Variants in SEL1L3 observed in about 807,000 individuals in gnomAD.
SEL1L3 encodes SEL1L family member 3, also known as protein sel-1 homolog 3.
Under a neutral mutation model 142.8 loss-of-function variants are expected in SEL1L3, and 76 were observed. That is an observed-to-expected ratio of 0.53 (90% confidence interval 0.44 to 0.64). The LOEUF (loss-of-function observed/expected upper bound fraction) is 0.64. Ranked by LOEUF, SEL1L3 falls within the 30% of genes least tolerant of loss-of-function variation. The pLI is 0.00. For synonymous variants in SEL1L3, 504 were observed against 519.6 expected (o/e 0.97, Z 0.41); for missense variants, 1,262 against 1,381.7 (o/e 0.91, Z 1.37).
At chr4:25,789,701 A>C in intron 12 of SEL1L3, among the ~76,000 whole-genome samples, 2 of 150,346 alleles carry the variant, frequency 1.3e-5, no homozygotes, top group Non-Finnish European at 3.0e-5. Flanking sequence ...AGCCCCAGAG[A>C]CTCTTCCCGA....
At chr4:25,752,281 G>A (rs1717650021) in intron 23 of SEL1L3, among the ~76,000 whole-genome samples, 1 of 151,268 alleles carries the variant, frequency 6.6e-6, no homozygotes. Context: ...GCTTGGTGTG[G>A]TGGCAGGTGC....
intron 23 of SEL1L3, among the ~76,000 whole-genome samples, 182 bp downstream of exon 23, chr4:25,757,345 CAGGAATT>C (rs1239978709): frequency 6.6e-6 from 1 of 150,802 alleles, no homozygotes; most frequent in Non-Finnish European, 1.5e-5. Flanking sequence ...TCCCACCGGC[CAGGAATT>C]TCATACACCT....
At chr4:25,729,142 C>T in the SEL1L3 span, among the ~76,000 whole-genome samples, 2 of 152,130 alleles carry the variant, frequency 1.3e-5, no homozygotes, top group African/African-American at 4.8e-5. Context: ...GGACTCCCCT[C>T]TCGTTTTGAG....
At chr4:25,823,143 G>C (rs1258522577) in intron 6 of SEL1L3, among the ~76,000 whole-genome samples, 1 of 152,184 alleles carries the variant, frequency 6.6e-6, no homozygotes, top group Non-Finnish European at 1.5e-5. Flanking sequence ...CATGAGGGTA[G>C]GCTTGGGAGC....
In SEL1L3 at chr4:25,789,807, C is replaced by T. The variant is rs192248712; in HGVS notation, c.2076+648G>A. ...TGCAATCAGCCTTCACAGGCTCCCA[C>T]AAAGGGCTCCTCTTCATAGTGAAAT... On this transcript the variant is annotated intron_variant, in intron 12 of 23. Transcript: ENST00000399878. Among the ~76,000 whole-genome samples, 795 of 152,262 alleles carry T rather than the reference C, an allele frequency of 5.2e-3. 6 individuals are homozygous for T. Among genetic ancestry groups the T allele is most frequent in the Admixed American group, 8.6e-3 (131 of 15,296 alleles).
At chr4:25,742,614 A>C (rs935156356), downstream of SEL1L3, among the ~76,000 whole-genome samples, 11 of 152,198 alleles carry the variant, frequency 7.2e-5, no homozygotes, top group Non-Finnish European at 4.4e-5. Flanking sequence ...GACTTTTTAA[A>C]TTTCCTTGAT....
Position 25,767,589 on chromosome 4 carries a change from C to G in SEL1L3, c.2781G>C (p.Leu927Phe). Residue 927 changes from leucine to phenylalanine, a missense_variant, in exon 19 of 24, where the codon TTG becomes TTC. Leu to Phe is a conservative substitution (Grantham distance 22, BLOSUM62 0). Around this residue, in one of 3 missense-constraint regions of SEL1L3, gnomAD observed 435 missense variants for 559.2 expected, o/e 0.78. Coordinates refer to ENST00000399878, the MANE Select transcript of SEL1L3 (RefSeq NM_015187.5). The part of the protein sequence containing the change: ...EERPDLARRY[L>F]GVNCVWRYYN... The stretch of plus-strand genomic sequence containing the variant: ...AGTATCTCCAAACACAGTTAACACC[C>G]AAGTATCTCCTGGCCAGGTCCTAAG... 2 of 1,600,028 alleles carry G rather than the reference C, an allele frequency of 1.2e-6. No homozygotes were observed. Among genetic ancestry groups the G allele is most frequent in the Non-Finnish European group, 1.7e-6 (2 of 1,170,858 alleles).
rs766531989 is a variant in SEL1L3, at chr4:25,788,391, A to G, written c.2077-27T>C. On this transcript the variant is annotated intron_variant, in intron 12 of 23. Coordinates refer to ENST00000399878, the MANE Select transcript of SEL1L3 (RefSeq NM_015187.5). This position sits in a 1 kb window ranked among gnomAD's most constrained non-coding sequence, Gnocchi z 5.3. ...TTAAAGATAATAGCAATTTAGAACA[A>G]TGACTTTTCCTGTATAATGCTTAAC... is the stretch of plus-strand genomic sequence containing the variant. 5 of 1,612,242 alleles carry G rather than the reference A, an allele frequency of 3.1e-6. No homozygotes were observed. The South Asian group carries it at 4.4e-5, about 14-fold the overall frequency.
the SEL1L3 span, chr4:25,719,651 C>T: frequency 0.37 from 55,470 of 151,916 alleles, 11,492 homozygotes; most frequent in African/African-American, 0.57. Flanking sequence ...GGCTGATGAG[C>T]AGGCTGTGGA....
chr4:25,748,530 G>A lies in SEL1L3; in HGVS notation c.3294C>T (p.Ser1098=), dbSNP rs1717388897. 1.9e-6 allele frequency: 3 copies of A among 1,611,722 alleles called. No individual in the cohort carries two copies. The South Asian group carries it at 3.3e-5, about 18-fold the overall frequency. ...SDPPPRPSQA[S]PDTATSTASP... Reference sequence around the variant, plus strand: ...TTGCAGTGGACGTGGCAGTGTCTGGGGAGGCCTGGGATGGTCTTGGAGGGG... The same window carrying A: ...TTGCAGTGGACGTGGCAGTGTCTGGAGAGGCCTGGGATGGTCTTGGAGGGG... The change falls in exon 24 of 24, where the codon TCC becomes TCT. Residue 1098 remains serine (S), a synonymous_variant. Coordinates refer to ENST00000399878, the MANE Select transcript of SEL1L3 (RefSeq NM_015187.5).
chr4:25,787,934 G>A (rs1021098586), intron 13 of SEL1L3, among the ~76,000 whole-genome samples: 1 of 152,220 alleles, frequency 6.6e-6, no homozygotes, highest in African/African-American at 2.4e-5. Context: ...GTGGGGGCTG[G>A]CGGCTGAGCG....
intron 23 of SEL1L3, among the ~76,000 whole-genome samples, chr4:25,752,393 G>T (rs1717660391): frequency 6.7e-6 from 1 of 148,706 alleles, no homozygotes; most frequent in Non-Finnish European, 1.5e-5. Context: ...CTCCAGCCTG[G>T]GCAATAGGGT....
At chr4:25,717,406 C>T in the SEL1L3 span, among the ~76,000 whole-genome samples, 1 of 152,180 alleles carries the variant, frequency 6.6e-6, no homozygotes, top group Non-Finnish European at 1.5e-5. Context: ...TGGCTCACGC[C>T]TGTAATCCCT....
At chr4:25,771,764 T>C (rs1560287782) in intron 17 of SEL1L3, among the ~76,000 whole-genome samples, 1 of 152,138 alleles carries the variant, frequency 6.6e-6, no homozygotes, top group African/African-American at 2.4e-5. Context: ...GCAGATAAAA[T>C]AGATAAAACA....
intron 14 of SEL1L3, among the ~76,000 whole-genome samples, chr4:25,782,733 C>A (rs1000933574): frequency 6.6e-6 from 1 of 152,160 alleles, no homozygotes; most frequent in Admixed American, 6.5e-5. Flanking sequence ...CTCTGATTGC[C>A]CTGCCGCATC....
At chr4:25,835,387 T>C in intron 2 of SEL1L3, 64 bp from the exon 3 acceptor site, 16 of 1,577,644 alleles carry the variant, frequency 1.0e-5, no homozygotes, top group Non-Finnish European at 1.4e-5. Context: ...CCAAACCACA[T>C]TCATCCTGAA....
chr4:25,809,745 T>A (rs900083043), intron 9 of SEL1L3, among the ~76,000 whole-genome samples: 1 of 152,188 alleles, frequency 6.6e-6, no homozygotes, highest in Non-Finnish European at 1.5e-5. Context: ...TGTATTTTTT[T>A]AAAAAAACTA....
chr4:25,847,119 C>T (rs972280910), intron 2 of SEL1L3, among the ~76,000 whole-genome samples, 175 bp downstream of exon 2: 1 of 152,080 alleles, frequency 6.6e-6, no homozygotes, highest in African/African-American at 2.4e-5. Context: ...CTCCTCTCTT[C>T]CCCTTTTAAT....
At chr4:25,759,158 CTAAAA>C in intron 20 of SEL1L3, 90 bp from the exon 21 acceptor site, 1 of 1,450,382 alleles carries the variant, frequency 6.9e-7, no homozygotes, top group Non-Finnish European at 9.2e-7. Flanking sequence ...TTTACAACCT[CTAAAA>C]TTTTTTTTAA....
Sources: allele counts gnomAD v4.1 joint callset (sites outside exome capture counted in the v4.1 genomes callset), GRCh38; gene constraint gnomAD v4.1.1; regional missense constraint gnomAD v4.1.1; non-coding constraint Gnocchi (gnomAD v3.1); transcripts MANE v1.5; gene names NCBI Gene and HGNC (gene_info 2026-07-23, HGNC 2026-07-21).